ZNF618: variants seen among roughly 807,000 people sequenced by gnomAD.
The protein encoded by ZNF618 is neural precursor cell expressed, developmentally down-regulated 10.
ZNF618 carries 34 observed loss-of-function variants against 103.0 expected under a neutral mutation model. The ratio of observed to expected loss-of-function variants is 0.33; its 90% CI spans 0.25 to 0.44. ZNF618 has a LOEUF of 0.44. ZNF618 is among the 20% of genes least tolerant of loss of function. The probability of loss-of-function intolerance (pLI) is 1.00; values close to 1 mark genes in which losing one functional copy is unlikely to be tolerated. For missense variants in ZNF618, 1,059 were observed against 1,295.4 expected (o/e 0.82, Z 2.80); for synonymous variants, 551 against 542.2 (o/e 1.02, Z -0.23).
At chr9:113,998,813 C>T (rs1443499792) in intron 4 of ZNF618, among the ~76,000 whole-genome samples, 2 of 152,218 alleles carry the variant, frequency 1.3e-5, no homozygotes, top group Non-Finnish European at 2.9e-5. Flanking sequence ...TGGCCATGGT[C>T]CTCTTTTTGC....
chr9:114,009,042 T>C lies in ZNF618; in HGVS notation c.754+488T>C, dbSNP rs79600758. ...GGCAGCCACAGGCAGACTCTCTGTC[T>C]CTGTCCCAGGACACCCCTTGAGGGC... On this transcript the variant is annotated intron_variant, in intron 9 of 14. Coordinates refer to ENST00000374126, the MANE Select transcript of ZNF618 (RefSeq NM_001318042.2). Among the ~76,000 whole-genome samples the C allele has an allele frequency of 1.6e-3, 237 of 152,316 alleles. 2 individuals carry two copies. The highest frequency in any genetic ancestry group is 5.6e-3 in the African/African-American group (231 of 41,568).
intron 2 of ZNF618, among the ~76,000 whole-genome samples, chr9:113,969,502 C>A (rs1837746788): frequency 1.3e-5 from 2 of 152,190 alleles, no homozygotes; most frequent in South Asian, 4.1e-4. Flanking sequence ...CAGCCAGTCC[C>A]ATCCTTGTCC....
At chr9:113,956,145 G>A (rs1836263895) in intron 1 of ZNF618, among the ~76,000 whole-genome samples, 1 of 145,766 alleles carries the variant, frequency 6.9e-6, no homozygotes, top group Non-Finnish European at 1.5e-5. Context: ...GGAGGCAGAG[G>A]TTGCAGTGAG....
Position 114,016,790 on chromosome 9 carries a change from T to TAC in ZNF618, c.844+7_844+8dup, listed in dbSNP as rs1842678037. 1 of 1,609,530 alleles carries TAC rather than the reference T, an allele frequency of 6.2e-7. No homozygotes were observed. The highest frequency in any genetic ancestry group is 1.3e-5 in the African/African-American group (1 of 74,932). ...GGCCTTACACGCCCCCATCAGTGAG[T>TAC]ACCTCCTCCCGGTAGGGATGGGGGT... On this transcript the variant is annotated splice_region_variant and intron_variant, in intron 10 of 14. Transcript: ENST00000374126.
chr9:113,968,705 A>C (rs545936720), intron 1 of ZNF618, among the ~76,000 whole-genome samples: 4 of 152,338 alleles, frequency 2.6e-5, no homozygotes, highest in African/African-American at 9.6e-5. Flanking sequence ...GGGAGAAAGA[A>C]TATTTTAACA....
chr9:113,971,905 A>C (rs1055840813), intron 2 of ZNF618, among the ~76,000 whole-genome samples: 5 of 152,168 alleles, frequency 3.3e-5, no homozygotes, highest in African/African-American at 1.2e-4. Context: ...ATGGCGCCGG[A>C]ATATGCATCA....
intron 1 of ZNF618, among the ~76,000 whole-genome samples, chr9:113,951,099 G>T (rs1204901003): frequency 6.6e-6 from 1 of 151,682 alleles, no homozygotes; most frequent in East Asian, 2.0e-4. Flanking sequence ...TTGATTGGAG[G>T]CTAGAAGGCC....
chr9:114,048,403 C>A (rs181161838), intron 14 of ZNF618, among the ~76,000 whole-genome samples: 2 of 152,090 alleles, frequency 1.3e-5, no homozygotes, highest in Non-Finnish European at 2.9e-5. Context: ...TGACATAGAC[C>A]GCAATTATGT....
chr9:113,885,354 G>A (rs984378719), intron 1 of ZNF618, among the ~76,000 whole-genome samples: 8 of 152,210 alleles, frequency 5.3e-5, no homozygotes, highest in Middle Eastern at 6.3e-3. Flanking sequence ...GTTTGAAAAT[G>A]CTTTGTAAAC....
At chr9:114,038,935 A>G (rs139208638) in intron 13 of ZNF618, among the ~76,000 whole-genome samples, 14 of 152,296 alleles carry the variant, frequency 9.2e-5, no homozygotes, top group African/African-American at 3.1e-4. Context: ...AGACTTTTAC[A>G]TATATTCACT....
chr9:113,996,513 T>G (rs1418389263), intron 3 of ZNF618, among the ~76,000 whole-genome samples: 3 of 152,122 alleles, frequency 2.0e-5, no homozygotes, highest in Non-Finnish European at 4.4e-5. Flanking sequence ...AGCGTCCCCC[T>G]CTGTGACTTC....
intron 1 of ZNF618, among the ~76,000 whole-genome samples, chr9:113,885,121 C>T (rs1828941521): frequency 6.6e-6 from 1 of 152,080 alleles, no homozygotes; most frequent in Non-Finnish European, 1.5e-5. Flanking sequence ...ACGCCTGTGG[C>T]TAGGCAGCTG....
intron 7 of ZNF618, among the ~76,000 whole-genome samples, chr9:114,007,834 C>T (rs1458129782): frequency 6.6e-6 from 1 of 152,162 alleles, no homozygotes; most frequent in Non-Finnish European, 1.5e-5. Flanking sequence ...ATACATTTAG[C>T]CAACACATAT....
intron 1 of ZNF618, among the ~76,000 whole-genome samples, chr9:113,887,617 A>G (rs967020286): frequency 1.3e-5 from 2 of 152,176 alleles, no homozygotes; most frequent in African/African-American, 4.8e-5. Flanking sequence ...TGATTTGGGA[A>G]GGAAGGCTGC....
intron 2 of ZNF618, among the ~76,000 whole-genome samples, chr9:113,987,912 C>G (rs202031183): frequency 5.9e-5 from 9 of 151,806 alleles, no homozygotes; most frequent in East Asian, 1.9e-4. Context: ...CAAGATCCCC[C>G]CCAGCTGATC....
intron 1 of ZNF618, among the ~76,000 whole-genome samples, chr9:113,899,990 T>A (rs1348164368): frequency 6.6e-6 from 1 of 152,224 alleles, no homozygotes; most frequent in Non-Finnish European, 1.5e-5. Flanking sequence ...GGTATGTACC[T>A]AGAAATGGAA....
intron 1 of ZNF618, among the ~76,000 whole-genome samples, chr9:113,949,809 G>A (rs990869175): frequency 2.0e-5 from 3 of 152,234 alleles, no homozygotes; most frequent in East Asian, 1.9e-4. Context: ...ATCGTTTCCT[G>A]ATTAATTAGG....
chr9:113,905,473 T>C (rs760949030), intron 1 of ZNF618, among the ~76,000 whole-genome samples: 20 of 152,222 alleles, frequency 1.3e-4, no homozygotes, highest in Admixed American at 9.2e-4. Flanking sequence ...AACACAGATA[T>C]GCTCATTTTT....
chr9:114,017,011 A>C (rs910388288), intron 10 of ZNF618: 20 of 548,680 alleles, frequency 3.6e-5, no homozygotes, highest in Non-Finnish European at 4.8e-5. Flanking sequence ...GCCCTCCCTT[A>C]GTGGACTCAG....
Sources: gnomAD v4.1 joint callset for allele counts (sites outside exome capture counted in the v4.1 genomes callset) on GRCh38, gnomAD v4.1.1 for gene constraint, MANE v1.5 for transcripts, NCBI Gene and HGNC (gene_info 2026-07-23, HGNC 2026-07-21) for gene names.